The following WWTR1 variants were observed in gnomAD, a reference collection of about 807,000 sequenced individuals.
WWTR1 encodes the protein WW domain containing transcription regulator 1, also known as WW domain-containing transcription regulator protein 1.
A neutral mutation model predicts 40.1 loss-of-function variants in WWTR1; 13 were observed. The observed-to-expected ratio is 0.32, with a 90% CI of 0.21 to 0.52. The LOEUF (loss-of-function observed/expected upper bound fraction) is 0.52, where lower values mean the gene tolerates loss of function less well. Among genes scored for constraint, WWTR1 ranks in the 20% least tolerant of loss-of-function variants. The pLI is 0.97. For missense variants in WWTR1, 436 were observed against 523.1 expected (o/e 0.83, Z 1.63); for synonymous variants, 230 against 210.1 (o/e 1.09, Z -0.82).
At chr3:149,560,455 A>G (rs1737034749) in intron 3 of WWTR1, among the ~76,000 whole-genome samples, 1 of 152,176 alleles carries the variant, frequency 6.6e-6, no homozygotes, top group South Asian at 2.1e-4. Flanking sequence ...CGCCCTGAGC[A>G]TTTGTTTTGT....
At chr3:149,539,239 TA>T (rs1330436511) in intron 4 of WWTR1, among the ~76,000 whole-genome samples, 1 of 152,228 alleles carries the variant, frequency 6.6e-6, no homozygotes, top group Non-Finnish European at 1.5e-5. Flanking sequence ...AAACAATATT[TA>T]TATAGCATAT....
rs142585706 is a variant in WWTR1 at position 149,606,963 on chromosome 3, G to T, written c.432-33963C>A. ...AAGCAGAGCAAAGCCGGGGTGGCCT[G>T]GAGGGGAGTGATACACAGTGAATGC... is the stretch of plus-strand genomic sequence containing the variant. On this transcript the variant is annotated intron_variant, in intron 2 of 6. Transcript: ENST00000360632. Among the ~76,000 whole-genome samples the T allele has an allele frequency of 4.2e-3, 638 of 152,358 alleles. 4 individuals are homozygous for T. Among genetic ancestry groups the T allele is most frequent in the African/African-American group, 0.015 (613 of 41,590 alleles).
Position 149,518,183 on chromosome 3 carries a change from T to G in WWTR1, c.*2622A>C, listed in dbSNP as rs1320561274. 1 of 152,046 alleles carries G rather than the reference T, an allele frequency of 6.6e-6. No individual in the cohort carries two copies. Among genetic ancestry groups the G allele is most frequent in the Non-Finnish European group, 1.5e-5 (1 of 67,996 alleles). 9.4% of individuals were successfully genotyped at this position (152,046 alleles called of 1,614,324 possible). A position where few individuals can be genotyped will look rare whatever the true frequency, so the allele number is the denominator to read the frequency against. On this transcript the variant is annotated 3_prime_UTR_variant, in exon 7 of 7. Coordinates refer to ENST00000360632, the MANE Select transcript of WWTR1 (RefSeq NM_015472.6). ...ATTAGTAAACACAAAGGGTCCATAT[T>G]TTATTCTGAAAAAATATTTATTATA...
chr3:149,626,649 TC>T (rs1392269830), intron 2 of WWTR1, among the ~76,000 whole-genome samples: 1 of 152,056 alleles, frequency 6.6e-6, no homozygotes, highest in Non-Finnish European at 1.5e-5. Flanking sequence ...CTCCTTTTTT[TC>T]CATACTCCAA....
intron 2 of WWTR1, among the ~76,000 whole-genome samples, chr3:149,645,359 G>T (rs1042755107): frequency 2.6e-5 from 4 of 152,070 alleles, no homozygotes; most frequent in Admixed American, 6.5e-5. Context: ...GATTACAGGT[G>T]TGAGCCACCA....
At chr3:149,612,091 T>C (rs550438647) in intron 2 of WWTR1, among the ~76,000 whole-genome samples, 1 of 152,246 alleles carries the variant, frequency 6.6e-6, no homozygotes, top group East Asian at 1.9e-4. Context: ...ATGACCCACC[T>C]TAGGAAGACA....
At chr3:149,559,389 G>T (rs1270382135) in intron 3 of WWTR1, among the ~76,000 whole-genome samples, 1 of 151,592 alleles carries the variant, frequency 6.6e-6, no homozygotes, top group African/African-American at 2.4e-5. Flanking sequence ...GGAGAATGAT[G>T]TCTCCAACTT....
At chr3:149,623,417 C>A (rs1334432643) in intron 2 of WWTR1, among the ~76,000 whole-genome samples, 2 of 151,852 alleles carry the variant, frequency 1.3e-5, no homozygotes, top group African/African-American at 4.8e-5. Context: ...TGGGAAAGAA[C>A]CTAAATGCTC....
At chr3:149,689,131 T>C (rs115974699) in intron 1 of WWTR1, among the ~76,000 whole-genome samples, 1,945 of 152,148 alleles carry the variant, frequency 0.013, 40 homozygotes, top group African/African-American at 0.044. Flanking sequence ...CCTATAATCC[T>C]AGCTCTTTGA....
intron 2 of WWTR1, among the ~76,000 whole-genome samples, chr3:149,622,477 G>A (rs1420798250): frequency 7.1e-4 from 82 of 116,248 alleles, no homozygotes; most frequent in African/African-American, 2.5e-3. Context: ...AAGGAAGGAA[G>A]GAAGGAAGGA....
At chr3:149,552,129 C>T (rs1736640387) in intron 3 of WWTR1, among the ~76,000 whole-genome samples, 1 of 145,354 alleles carries the variant, frequency 6.9e-6, no homozygotes, top group African/African-American at 2.6e-5. Flanking sequence ...TTTTAAGAAA[C>T]ATTGAACTAT....
chr3:149,714,774 G>A (rs1015678227), intron 5 of WWTR1, among the ~76,000 whole-genome samples: 1 of 152,208 alleles, frequency 6.6e-6, no homozygotes, highest in Non-Finnish European at 1.5e-5. Context: ...ACGGACCAGA[G>A]TGGGAACGTG....
intron 3 of WWTR1, among the ~76,000 whole-genome samples, chr3:149,557,173 C>T (rs1056320273): frequency 6.2e-5 from 9 of 145,440 alleles, no homozygotes; most frequent in East Asian, 2.3e-4. Flanking sequence ...CTGATTCAAG[C>T]GATTCTCTTA....
intron 2 of WWTR1, among the ~76,000 whole-genome samples, chr3:149,666,042 G>A (rs962804113): frequency 5.9e-5 from 9 of 152,238 alleles, no homozygotes; most frequent in African/African-American, 1.9e-4. Context: ...GCTGAGCTTG[G>A]AAGAGTTTGC....
intron 3 of WWTR1, among the ~76,000 whole-genome samples, chr3:149,549,950 A>G (rs955113163): frequency 1.3e-5 from 2 of 152,250 alleles, no homozygotes; most frequent in East Asian, 3.8e-4. Context: ...AGAAATCTGA[A>G]TAAAGTATGG....
At chr3:149,556,973 GTGCTCTGAGATCA>G (rs1284211483) in intron 3 of WWTR1, among the ~76,000 whole-genome samples, 2 of 150,902 alleles carry the variant, frequency 1.3e-5, no homozygotes, top group Non-Finnish European at 2.9e-5. Flanking sequence ...ACACTGGCTG[GTGCTCTGAGATCA>G]TGCCACTACC....
intron 1 of WWTR1, among the ~76,000 whole-genome samples, chr3:149,688,177 C>G (rs1314464139): frequency 3.3e-5 from 5 of 151,916 alleles, no homozygotes; most frequent in African/African-American, 4.8e-5. Flanking sequence ...GACAGCATAT[C>G]TAGACCCACC....
intron 1 of WWTR1, among the ~76,000 whole-genome samples, chr3:149,679,282 T>G (rs1485020810): frequency 2.6e-5 from 4 of 152,232 alleles, no homozygotes; most frequent in Admixed American, 6.5e-5. Context: ...ATACATATGT[T>G]TGAATTTAGT....
intron 2 of WWTR1, among the ~76,000 whole-genome samples, chr3:149,602,575 A>G (rs984660831): frequency 3.9e-5 from 6 of 152,124 alleles, no homozygotes; most frequent in Non-Finnish European, 7.4e-5. Flanking sequence ...CCCTGACACA[A>G]CTTTAAAGTG....
Sources: allele counts gnomAD v4.1 joint callset (sites outside exome capture counted in the v4.1 genomes callset), GRCh38; gene constraint gnomAD v4.1.1; transcripts MANE v1.5; gene names NCBI Gene and HGNC (gene_info 2026-07-23, HGNC 2026-07-21).